Variants in SORBS2 observed in about 807,000 individuals in gnomAD.
SORBS2 encodes sorbin and SH3 domain containing 2.
In SORBS2, 46 loss-of-function variants were observed where a neutral mutation model predicts 97.7. The observed-to-expected ratio is 0.47, with a 90% CI of 0.37 to 0.60. The LOEUF (loss-of-function observed/expected upper bound fraction) is 0.60, where lower values mean the gene tolerates loss of function less well. Ranked by LOEUF, SORBS2 falls within the 20% of genes least tolerant of loss-of-function variation. The pLI is 0.00. For synonymous variants in SORBS2, 476 were observed against 473.4 expected, an observed-to-expected ratio of 1.01 and a Z score of -0.07; for missense variants, 1,316 against 1,282.3, an observed-to-expected ratio of 1.03 and a Z score of -0.40.
At chr4:185,827,317 A>ATTG in intron 1 of SORBS2, among the ~76,000 whole-genome samples, 1 of 151,502 alleles carries the variant, frequency 6.6e-6, no homozygotes. Flanking sequence ...CATCACCATC[A>ATTG]TCACCATCAT....
At chr4:185,803,510 G>A (rs2099140268) in intron 1 of SORBS2, among the ~76,000 whole-genome samples, 1 of 152,034 alleles carries the variant, frequency 6.6e-6, no homozygotes, top group African/African-American at 2.4e-5. Flanking sequence ...ACAGGAAGGT[G>A]GTTTTTCAAA....
rs539960940 is a variant in SORBS2, at chr4:185,916,160, G to A, written c.-338+40036C>T. Among the ~76,000 whole-genome samples the A allele has an allele frequency of 5.9e-5, 9 of 152,278 alleles. No individual in the cohort carries two copies. In the South Asian group the frequency reaches 8.3e-4, roughly 14 times the overall value. On this transcript the variant is annotated intron_variant, in intron 1 of 20. Transcript: ENST00000284776. ...CAGGGTGCAGTATGAGTCATGGACC[G>A]GAGGGAAACAAGAATGGATGCAAGA... is the stretch of plus-strand genomic sequence containing the variant.
chr4:185,697,629 C>T (rs565685261), intron 2 of SORBS2, among the ~76,000 whole-genome samples: 1 of 152,292 alleles, frequency 6.6e-6, no homozygotes, highest in East Asian at 1.9e-4. Flanking sequence ...TTCTCTTTCC[C>T]TTTGACAGCT....
In SORBS2 at chr4:185,739,836, C is replaced by T. The variant is rs370868496; in HGVS notation, c.-198+35391G>A. The stretch of plus-strand genomic sequence containing the variant: ...AATGATACACTAAGAAACTGAAGGA[C>T]ACAGCAAATTATTTTGCTTGTCTTC... On this transcript the variant is annotated intron_variant, in intron 2 of 20. Coordinates refer to the SORBS2 transcript ENST00000284776. Among the ~76,000 whole-genome samples, 8 of 152,272 alleles carry T rather than the reference C, an allele frequency of 5.3e-5. No individual in the cohort carries two copies. The South Asian group carries it at 1.2e-3, about 24-fold the overall frequency.
chr4:185,807,777 G>A (rs2099163143), intron 1 of SORBS2, among the ~76,000 whole-genome samples: 1 of 152,138 alleles, frequency 6.6e-6, no homozygotes, highest in Admixed American at 6.5e-5. Flanking sequence ...ACGTGACAGT[G>A]GCAGTTTAGG....
chr4:185,818,769 T>C (rs184673856), intron 1 of SORBS2, among the ~76,000 whole-genome samples: 2,685 of 151,190 alleles, frequency 0.018, 48 homozygotes, highest in African/African-American at 0.045. Context: ...GAGGTTGCAG[T>C]GAGCCGAGAT....
intron 2 of SORBS2, among the ~76,000 whole-genome samples, chr4:185,713,694 G>A (rs1423717980): frequency 1.3e-5 from 2 of 152,216 alleles, no homozygotes. Context: ...GGAAAAGGGT[G>A]CAAGAGAAAG....
At chr4:185,778,018 T>C (rs1423114436) in intron 1 of SORBS2, among the ~76,000 whole-genome samples, 1 of 152,232 alleles carries the variant, frequency 6.6e-6, no homozygotes, top group Admixed American at 6.5e-5. Flanking sequence ...GAAAAAAGAA[T>C]GTAAATTATG....
At chr4:185,703,844 A>G (rs1268246923) in intron 2 of SORBS2, among the ~76,000 whole-genome samples, 2 of 152,212 alleles carry the variant, frequency 1.3e-5, no homozygotes, top group East Asian at 3.8e-4. Flanking sequence ...TTAACTTCAA[A>G]TGATTAAGAA....
intron 1 of SORBS2, among the ~76,000 whole-genome samples, chr4:185,853,898 T>G (rs2099219301): frequency 6.6e-6 from 1 of 152,200 alleles, no homozygotes; most frequent in Non-Finnish European, 1.5e-5. Context: ...AAGCTTTCAG[T>G]GAACACCAAA....
intron 1 of SORBS2, among the ~76,000 whole-genome samples, chr4:185,797,629 G>A (rs1585001729): frequency 6.6e-6 from 1 of 152,270 alleles, no homozygotes. Context: ...ATACTCAGAT[G>A]TAAGTGCTAT....
intron 1 of SORBS2, among the ~76,000 whole-genome samples, chr4:185,882,923 T>C (rs147355169): frequency 0.01 from 1,573 of 152,126 alleles, 26 homozygotes; most frequent in African/African-American, 0.035. Flanking sequence ...ATCATAGAAA[T>C]ACATGTACAT....
chr4:185,797,952 T>C (rs748793454), intron 1 of SORBS2, among the ~76,000 whole-genome samples: 1 of 152,204 alleles, frequency 6.6e-6, no homozygotes, highest in Non-Finnish European at 1.5e-5. Flanking sequence ...CTCTGTGCCT[T>C]CCTTCTGCCT....
intron 4 of SORBS2, among the ~76,000 whole-genome samples, chr4:185,673,192 G>C (rs145512005): frequency 6.6e-6 from 1 of 152,146 alleles, no homozygotes; most frequent in Admixed American, 6.6e-5. Context: ...GTTGCTATTC[G>C]GTGGGCATAA....
rs890807226 is a variant in SORBS2 at position 185,617,340 on chromosome 4, G to A, written c.2351+1245C>T. Among the ~76,000 whole-genome samples the A allele has an allele frequency of 3.3e-5, 5 of 151,864 alleles. No homozygotes were observed. The East Asian group carries it at 9.6e-4, about 29-fold the overall frequency. The stretch of plus-strand genomic sequence containing the variant: ...AAAAAAGATGTAAGCTTTTCTTCAG[G>A]CCAGATTTAAGCCATGTTCAACATC... On this transcript the variant is annotated intron_variant, in intron 9 of 14. Transcript: ENST00000418609.
At chr4:185,932,353 G>A (rs973410668) in intron 1 of SORBS2, among the ~76,000 whole-genome samples, 3 of 151,540 alleles carry the variant, frequency 2.0e-5, no homozygotes, top group Admixed American at 6.6e-5. Flanking sequence ...AACCACACAC[G>A]GTTTTGACAT....
At chr4:185,786,769 C>A (rs2099057912) in intron 1 of SORBS2, among the ~76,000 whole-genome samples, 1 of 152,140 alleles carries the variant, frequency 6.6e-6, no homozygotes, top group African/African-American at 2.4e-5. Context: ...CAAGACCAGC[C>A]TGGCCAACAT....
intron 12 of SORBS2, among the ~76,000 whole-genome samples, chr4:185,608,778 G>A (rs1015679412): frequency 2.0e-5 from 3 of 152,012 alleles, no homozygotes; most frequent in African/African-American, 7.3e-5. Flanking sequence ...TTCACTTTAG[G>A]TCTCTCCAGG....
intron 2 of SORBS2, among the ~76,000 whole-genome samples, chr4:185,687,996 T>G (rs1039066882): frequency 1.3e-5 from 2 of 152,118 alleles, no homozygotes; most frequent in African/African-American, 2.4e-5. Context: ...ACTCTTCCCC[T>G]GAGCTGCAAG....
Sources: allele counts gnomAD v4.1 joint callset (sites outside exome capture counted in the v4.1 genomes callset), GRCh38; gene constraint gnomAD v4.1.1; transcripts MANE v1.5; gene names NCBI Gene and HGNC (gene_info 2026-07-23, HGNC 2026-07-21).